The following SYNE2 variants were observed in gnomAD, a reference collection of about 807,000 sequenced individuals.
SYNE2 encodes spectrin repeat containing nuclear envelope protein 2.
SYNE2 carries 431 observed loss-of-function variants against 856.3 expected under a neutral mutation model. That is an observed-to-expected ratio of 0.50 (90% CI 0.47 to 0.55). The LOEUF (loss-of-function observed/expected upper bound fraction) is 0.55, where lower values mean the gene tolerates loss of function less well. SYNE2 is among the 20% of genes least tolerant of loss of function. SYNE2 has a pLI of 0.00. For missense variants in SYNE2, 8,129 were observed against 8,023.2 expected, an observed-to-expected ratio of 1.01 and a Z score of -0.50; for synonymous variants, 2,923 against 2,872.3, an observed-to-expected ratio of 1.02 and a Z score of -0.56.
intron 1 of SYNE2, among the ~76,000 whole-genome samples, chr14:63,833,163 C>T (rs557799896): frequency 1.3e-5 from 2 of 152,070 alleles, no homozygotes; most frequent in East Asian, 3.9e-4. Context: ...GCACTATGAT[C>T]ATGCCACTGT....
At chr14:64,129,612 T>C (rs896040919) in intron 74 of SYNE2, among the ~76,000 whole-genome samples, 170 bp from the exon 75 acceptor site, 4 of 152,186 alleles carry the variant, frequency 2.6e-5, no homozygotes, top group African/African-American at 9.7e-5. Flanking sequence ...TGTTAGGAAC[T>C]TGGGACCTCT....
chr14:64,142,141 A>C, intron 82 of SYNE2, 53 bp downstream of exon 82: 1 of 1,603,996 alleles, frequency 6.2e-7, no homozygotes, highest in South Asian at 1.1e-5. Flanking sequence ...AAGGCTAATC[A>C]GAGGGGTAAT....
chr14:64,110,592 C>G (rs748711423), intron 65 of SYNE2, among the ~76,000 whole-genome samples: 1 of 125,020 alleles, frequency 8.0e-6, no homozygotes, highest in Non-Finnish European at 1.7e-5. Flanking sequence ...TTTTACACCC[C>G]CCCCCCCCCG....
intron 1 of SYNE2, among the ~76,000 whole-genome samples, chr14:63,890,899 C>T (rs990280720): frequency 1.3e-5 from 2 of 152,154 alleles, no homozygotes; most frequent in Non-Finnish European, 2.9e-5. Context: ...CCTCTCTGTT[C>T]CTGTCTCTAG....
At chr14:63,791,481 C>A (rs1887729121) in intron 1 of SYNE2, among the ~76,000 whole-genome samples, 1 of 152,002 alleles carries the variant, frequency 6.6e-6, no homozygotes, top group Non-Finnish European at 1.5e-5. Flanking sequence ...ACATTTTATG[C>A]CTATAAATAT....
At chr14:63,959,728 G>C (rs993185343) in intron 8 of SYNE2, among the ~76,000 whole-genome samples, 5 of 151,246 alleles carry the variant, frequency 3.3e-5, no homozygotes, top group Non-Finnish European at 7.4e-5. Flanking sequence ...CCCTTTCTTT[G>C]TCTTTTGGCT....
chr14:63,946,993 G>A (rs1352646006), intron 6 of SYNE2, among the ~76,000 whole-genome samples: 3 of 152,050 alleles, frequency 2.0e-5, no homozygotes, highest in South Asian at 4.1e-4. Flanking sequence ...GGGGCTACAG[G>A]TGTACACCAC....
chr14:64,004,365 C>T lies in SYNE2; in HGVS notation c.4397+1035C>T, dbSNP rs991101514. Among the ~76,000 whole-genome samples the T allele has an allele frequency of 2.0e-5, 3 of 151,860 alleles. No individual in the cohort carries two copies. In the South Asian group the frequency reaches 6.3e-4, roughly 32 times the overall value. ...TTTGTTTTTGAGACAGAGTCTTGCT[C>T]TGTTGCCCAGGCTTGGGTGCAGTGG... is the stretch of plus-strand genomic sequence containing the variant. On this transcript the variant is annotated intron_variant, in intron 30 of 115. Coordinates refer to ENST00000555002, the MANE Select transcript of SYNE2 (RefSeq NM_182914.3).
intron 96 of SYNE2, among the ~76,000 whole-genome samples, chr14:64,185,551 CACT>C (rs2098485153): frequency 8.4e-6 from 1 of 119,366 alleles, no homozygotes; most frequent in Non-Finnish European, 1.6e-5. Flanking sequence ...GGTGGAGTCT[CACT>C]CTGTCAGCCA....
intron 51 of SYNE2, among the ~76,000 whole-genome samples, chr14:64,066,818 A>T (rs977074174): frequency 2.6e-5 from 4 of 152,134 alleles, no homozygotes; most frequent in African/African-American, 9.7e-5. Context: ...AAATTTTATC[A>T]CCATTTTATC....
intron 94 of SYNE2, chr14:64,174,006 A>C: frequency 1.5e-6 from 1 of 647,236 alleles, no homozygotes; most frequent in Admixed American, 2.8e-5. Flanking sequence ...GCAGTCACGG[A>C]GCTGTAACAC....
chr14:63,819,681 C>T (rs960613658), intron 1 of SYNE2, among the ~76,000 whole-genome samples: 15 of 150,972 alleles, frequency 9.9e-5, no homozygotes, highest in Non-Finnish European at 1.8e-4. Flanking sequence ...GGACTACAGG[C>T]GCCCGCCACC....
In SYNE2 at chr14:64,221,646, A is replaced by G; in HGVS notation, c.20132A>G (p.His6711Arg). The G allele has an allele frequency of 3.1e-6, 5 of 1,614,168 alleles. No individual in the cohort carries two copies. Among genetic ancestry groups the G allele is most frequent in the Non-Finnish European group, 3.4e-6 (4 of 1,180,026 alleles). Residue 6711 changes from histidine to arginine, a missense_variant, in exon 112 of 116, where the codon CAT (histidine) becomes CGT (arginine). By Grantham distance (29) the His-to-Arg change is conservative. This residue lies in a region of SYNE2 where 5,410 missense variants were observed against 5,284.8 expected (regional missense o/e 1.02). Coordinates refer to ENST00000555002, the MANE Select transcript of SYNE2 (RefSeq NM_182914.3). ...ASAKNRRQKA[H>R]VTDPKADPRA... ...GCCAAGAACCGGAGGCAGAAGGCTC[A>G]TGTCACCGATCCAAAGGCAGACCCC...
At chr14:63,764,049 T>C (rs1365311650) in intron 1 of SYNE2, among the ~76,000 whole-genome samples, 5 of 152,164 alleles carry the variant, frequency 3.3e-5, no homozygotes, top group African/African-American at 4.8e-5. Flanking sequence ...GAAGGCAATA[T>C]AGATAACTCA....
rs543491542 is a variant in SYNE2 at position 63,967,023 on chromosome 14, G to A, written c.991-686G>A. On this transcript the variant is annotated intron_variant, in intron 10 of 115. Transcript: ENST00000555002. ...TGGGACCACAGGCAGGTGCCACCAC[G>A]CCCAGCTAATTTCCGTATTTTTAGT... Among the ~76,000 whole-genome samples the A allele has an allele frequency of 1.5e-4, 23 of 152,000 alleles. No homozygotes were observed. The South Asian group carries it at 4.6e-3, about 30-fold the overall frequency.
Position 64,029,980 on chromosome 14 carries a change from A to T in SYNE2, c.6800A>T (p.Asn2267Ile). The change falls in exon 44 of 116, where the codon AAT (asparagine) becomes ATT (isoleucine). Residue 2267 changes from asparagine to isoleucine, a missense_variant. This residue lies in a region of SYNE2 where 297 missense variants were observed against 380.9 expected (regional missense o/e 0.78). Transcript: ENST00000555002. ...ACAGACCTGAATACTACATTGGACA[A>T]TTTCTCCAAGGAATTTGTCAGTTTT... is the stretch of plus-strand genomic sequence containing the variant. The part of the protein sequence containing the change: ...CVTDLNTTLD[N>I]FSKEFVSFSD... 6.2e-7 allele frequency: 1 copy of T among 1,614,142 alleles called. No homozygotes were observed. Among genetic ancestry groups the T allele is most frequent in the South Asian group, 1.1e-5 (1 of 91,076 alleles).
In SYNE2 at chr14:63,950,035, C is replaced by T. The variant is rs2096125048; in HGVS notation, c.590+29C>T. ...AGTAGTTTGCTATGACCCTAAGAGA[C>T]ACACAGGGCAGCTGTATCAACCAAC... On this transcript the variant is annotated intron_variant, in intron 7 of 115. Coordinates refer to ENST00000555002, the MANE Select transcript of SYNE2 (RefSeq NM_182914.3). 1.9e-6 allele frequency: 3 copies of T among 1,612,468 alleles called. No homozygotes were observed. The African/African-American group carries it at 4.0e-5, about 22-fold the overall frequency.
At chr14:64,128,350 T>G (rs1290608431) in intron 73 of SYNE2, 102 bp from the exon 74 acceptor site, 6 of 692,026 alleles carry the variant, frequency 8.7e-6, no homozygotes, top group Non-Finnish European at 1.6e-5. Flanking sequence ...TGTATTTGTT[T>G]GAAATTTCTA....
chr14:64,216,009 T>G, intron 107 of SYNE2: 2 of 1,440,012 alleles, frequency 1.4e-6, no homozygotes, highest in Middle Eastern at 5.1e-4. Context: ...AAAACGCCAC[T>G]CATCCCACAG....
Sources: allele counts gnomAD v4.1 joint callset (sites outside exome capture counted in the v4.1 genomes callset), GRCh38; gene constraint gnomAD v4.1.1; regional missense constraint gnomAD v4.1.1; transcripts MANE v1.5; gene names NCBI Gene and HGNC (gene_info 2026-07-23, HGNC 2026-07-21).